The following KCNN2 variants were observed in gnomAD, a reference collection of about 807,000 sequenced individuals.
The protein encoded by KCNN2 is potassium calcium-activated channel subfamily N member 2.
KCNN2 carries 24 observed loss-of-function variants against 55.5 expected under a neutral mutation model. The observed-to-expected ratio is 0.43, with a 90% CI of 0.31 to 0.61. The LOEUF (loss-of-function observed/expected upper bound fraction) is 0.61. Among genes scored for constraint, KCNN2 ranks in the 20% least tolerant of loss-of-function variants. The probability of loss-of-function intolerance (pLI) is 0.08; values close to 1 mark genes in which losing one functional copy is unlikely to be tolerated. For synonymous variants in KCNN2, 431 were observed against 336.1 expected (o/e 1.28, Z -3.09); for missense variants, 754 against 853.6 (o/e 0.88, Z 1.45).
At chr5:114,073,077 A>T (rs994842398) in intron 1 of KCNN2, among the ~76,000 whole-genome samples, 4 of 152,168 alleles carry the variant, frequency 2.6e-5, no homozygotes, top group Non-Finnish European at 5.9e-5. Context: ...GATATGCCGT[A>T]TTTGTTATGT....
intron 4 of KCNN2, 104 bp downstream of exon 4, chr5:114,463,294 C>T: frequency 1.2e-6 from 1 of 857,966 alleles, no homozygotes; most frequent in Non-Finnish European, 1.8e-6. Flanking sequence ...CTTTTCCCAT[C>T]AGCAGGAAAT....
At chr5:114,416,950 G>A (rs530517463) in intron 3 of KCNN2, among the ~76,000 whole-genome samples, 21 of 152,186 alleles carry the variant, frequency 1.4e-4, no homozygotes, top group Admixed American at 3.3e-4. Context: ...ACTTTCTTGC[G>A]TTAAAGAAAT....
At chr5:114,447,551 G>A (rs533183422) in intron 3 of KCNN2, among the ~76,000 whole-genome samples, 1 of 152,320 alleles carries the variant, frequency 6.6e-6, no homozygotes, top group Admixed American at 6.5e-5. Context: ...GGGTCTGTTT[G>A]ATTTTTGTAA....
In KCNN2 at chr5:114,249,744, C is replaced by CAA. The variant is rs70976329; in HGVS notation, c.-185+28196_-185+28197dup. Among the ~76,000 whole-genome samples, 1,135 of 141,900 alleles carry CAA rather than the reference C, an allele frequency of 8.0e-3. 10 individuals are homozygous for CAA. The highest frequency in any genetic ancestry group is 0.029 in the African/African-American group (1,086 of 37,920). 93.1% of individuals were successfully genotyped at this position (141,900 alleles called of 152,430 possible). On this transcript the variant is annotated intron_variant, in intron 2 of 10. Coordinates refer to the KCNN2 transcript ENST00000512097. ...CGGAATTAAAAAAAAACCCTAGCTTCAAAAAAAAAAAAAAAAAAGAATGGG... is the reference window on the plus strand; with the variant it reads ...CGGAATTAAAAAAAAACCCTAGCTTCAAAAAAAAAAAAAAAAAAAAGAATGGG...
chr5:114,263,512 C>A (rs914729863), intron 2 of KCNN2, among the ~76,000 whole-genome samples: 8 of 151,992 alleles, frequency 5.3e-5, no homozygotes, highest in African/African-American at 1.9e-4. Flanking sequence ...TCCTTGCCAC[C>A]CTATGGATCG....
At chr5:114,263,382 A>T (rs923911043) in intron 2 of KCNN2, among the ~76,000 whole-genome samples, 4 of 149,614 alleles carry the variant, frequency 2.7e-5, no homozygotes, top group African/African-American at 9.8e-5. Flanking sequence ...GTTGTTATTT[A>T]TATTCTTGTT....
At chr5:114,183,317 T>G (rs1037001704) in intron 1 of KCNN2, among the ~76,000 whole-genome samples, 2 of 152,088 alleles carry the variant, frequency 1.3e-5, no homozygotes, top group Non-Finnish European at 2.9e-5. Flanking sequence ...CATAGTTTTC[T>G]TTTTGGAATA....
At chr5:114,063,692 C>G (rs929371097) in intron 1 of KCNN2, among the ~76,000 whole-genome samples, 9 of 152,082 alleles carry the variant, frequency 5.9e-5, no homozygotes, top group African/African-American at 2.2e-4. Context: ...TAAGGCAATG[C>G]TAGGCTGACC....
intron 1 of KCNN2, among the ~76,000 whole-genome samples, chr5:114,086,904 G>A (rs1357321218): frequency 2.0e-5 from 3 of 152,136 alleles, no homozygotes; most frequent in East Asian, 1.9e-4. Flanking sequence ...CACAAACAGT[G>A]TATAAGTGTT....
intron 1 of KCNN2, among the ~76,000 whole-genome samples, chr5:114,219,161 T>C (rs1233196743): frequency 6.6e-6 from 1 of 152,206 alleles, no homozygotes; most frequent in Non-Finnish European, 1.5e-5. Flanking sequence ...TGCCTGTGAC[T>C]CTTGAAGCCC....
intron 1 of KCNN2, among the ~76,000 whole-genome samples, chr5:114,115,693 A>G (rs1751695616): frequency 6.6e-6 from 1 of 152,022 alleles, no homozygotes; most frequent in African/African-American, 2.4e-5. Context: ...CTGAGGGAAA[A>G]AAAAAGGTAA....
chr5:114,246,580 A>T (rs1221365761), intron 2 of KCNN2, among the ~76,000 whole-genome samples: 1 of 151,604 alleles, frequency 6.6e-6, no homozygotes. Context: ...AAAGTAAAAA[A>T]ACTAACATTG....
chr5:114,287,910 T>C (rs1004935138), intron 2 of KCNN2, among the ~76,000 whole-genome samples: 1 of 152,228 alleles, frequency 6.6e-6, no homozygotes, highest in East Asian at 1.9e-4. Flanking sequence ...TAGATGATTA[T>C]TTTATTTCTA....
chr5:114,165,516 G>T (rs1460850930), intron 1 of KCNN2, among the ~76,000 whole-genome samples: 1 of 152,092 alleles, frequency 6.6e-6, no homozygotes, highest in Non-Finnish European at 1.5e-5. Flanking sequence ...ACATCCAAGT[G>T]ACTAAAAGTT....
At chr5:114,361,535 C>T (rs1757421786), upstream of KCNN2, among the ~76,000 whole-genome samples, 1 of 152,200 alleles carries the variant, frequency 6.6e-6, no homozygotes. Context: ...AGCCCACTCT[C>T]GGCGGGATGA....
intron 1 of KCNN2, among the ~76,000 whole-genome samples, chr5:114,081,826 G>A (rs570009737): frequency 6.6e-6 from 1 of 152,190 alleles, no homozygotes; most frequent in East Asian, 1.9e-4. Context: ...GGAGTAAAAG[G>A]ACAACCCATA....
chr5:114,424,223 T>C (rs115253068), intron 3 of KCNN2, among the ~76,000 whole-genome samples: 2 of 152,186 alleles, frequency 1.3e-5, no homozygotes, highest in Admixed American at 6.5e-5. Context: ...CAAACACTTA[T>C]AACATTTTAA....
chr5:114,105,093 A>G (rs1423128841), intron 1 of KCNN2, among the ~76,000 whole-genome samples: 1 of 152,034 alleles, frequency 6.6e-6, no homozygotes, highest in Non-Finnish European at 1.5e-5. Context: ...TGTTCTGTCA[A>G]AAACTCTATT....
At chr5:114,228,340 GA>G (rs1754284609) in intron 2 of KCNN2, among the ~76,000 whole-genome samples, 1 of 151,980 alleles carries the variant, frequency 6.6e-6, no homozygotes, top group Admixed American at 6.6e-5. Flanking sequence ...GAGTAGAAAA[GA>G]AAGTCTTGAA....
Sources: allele counts gnomAD v4.1 joint callset (sites outside exome capture counted in the v4.1 genomes callset), GRCh38; gene constraint gnomAD v4.1.1; transcripts MANE v1.5; gene names NCBI Gene and HGNC (gene_info 2026-07-23, HGNC 2026-07-21).